The following PSMA3 variants were observed in gnomAD, a reference collection of about 807,000 sequenced individuals.
PSMA3 encodes proteasome subunit alpha type-3.
A neutral mutation model predicts 40.0 loss-of-function variants in PSMA3; 8 were observed. That is an observed-to-expected ratio of 0.20 (90% CI 0.12 to 0.36). PSMA3 has a LOEUF of 0.36. Among genes scored for constraint, PSMA3 ranks in the 10% least tolerant of loss-of-function variants. The pLI, the probability that PSMA3 is intolerant of heterozygous loss-of-function variation, is 1.00. For synonymous variants in PSMA3, 110 were observed against 100.0 expected, an observed-to-expected ratio of 1.10 and a Z score of -0.59; for missense variants, 219 against 310.6, an observed-to-expected ratio of 0.70 and a Z score of 2.22.
intron 3 of PSMA3, among the ~76,000 whole-genome samples, chr14:58,254,475 C>G (rs1890100202): frequency 6.6e-6 from 1 of 150,434 alleles, no homozygotes. Flanking sequence ...ATAGCTGTGA[C>G]TACAAGTGTG....
At chr14:58,245,765 GAAT>G (rs1594821865) in intron 1 of PSMA3, among the ~76,000 whole-genome samples, 1 of 152,138 alleles carries the variant, frequency 6.6e-6, no homozygotes, top group East Asian at 1.9e-4. Context: ...TAGAGTTATT[GAAT>G]AATGAGTTTC....
intron 6 of PSMA3, 26 bp from the exon 7 acceptor site, chr14:58,263,679 G>T: frequency 1.3e-6 from 2 of 1,572,460 alleles, no homozygotes; most frequent in South Asian, 2.2e-5. Context: ...CTAATTCAGT[G>T]ATTATATATA....
At position 58,259,296 on chromosome 14, in the gene PSMA3, T is replaced by G. The variant is rs1594828541; in HGVS notation, c.404+1298T>G. Among the ~76,000 whole-genome samples, 3 of 152,128 alleles carry G rather than the reference T, an allele frequency of 2.0e-5. 1 individual carries two copies. The highest frequency in any genetic ancestry group is 7.2e-5 in the African/African-American group (3 of 41,422). On this transcript the variant is annotated intron_variant, in intron 5 of 10. Transcript: ENST00000216455. ...AGTAAGAATAGTAGAGATAACTTTT[T>G]TTCATAACTTTTTTTTTGTTTGTTT...
At chr14:58,250,370 A>G (rs1889984128) in intron 2 of PSMA3, among the ~76,000 whole-genome samples, 1 of 152,132 alleles carries the variant, frequency 6.6e-6, no homozygotes, top group South Asian at 2.1e-4. Flanking sequence ...AAGTTTGCAA[A>G]CCTTTTGGGG....
chr14:58,271,327 C>T (rs904650037), intron 10 of PSMA3, among the ~76,000 whole-genome samples: 72 of 102,298 alleles, frequency 7.0e-4, no homozygotes, highest in Admixed American at 1.0e-3. Context: ...AATATTTGTT[C>T]TTTTTTTTTT....
chr14:58,260,187 A>G (rs1890241249), intron 5 of PSMA3, among the ~76,000 whole-genome samples: 1 of 152,218 alleles, frequency 6.6e-6, no homozygotes, highest in African/African-American at 2.4e-5. Context: ...AGGTTGCTGA[A>G]GTCCCTGATA....
At chr14:58,251,840 C>T (rs1890017930) in intron 2 of PSMA3, among the ~76,000 whole-genome samples, 1 of 152,148 alleles carries the variant, frequency 6.6e-6, no homozygotes, top group Non-Finnish European at 1.5e-5. Flanking sequence ...AAGCCAGACA[C>T]TGAGCCATAT....
At chr14:58,261,515 GGAAA>G (rs1465614057) in intron 6 of PSMA3, among the ~76,000 whole-genome samples, 1 of 152,080 alleles carries the variant, frequency 6.6e-6, no homozygotes, top group Non-Finnish European at 1.5e-5. Flanking sequence ...ACGAGGCAGA[GGAAA>G]GATTTTTTTT....
At chr14:58,271,051 T>G in intron 10 of PSMA3, 53 bp downstream of exon 10, 15 of 1,365,206 alleles carry the variant, frequency 1.1e-5, no homozygotes, top group African/African-American at 4.4e-5. Context: ...GGGAATCACT[T>G]AGCCCAGGAG....
At chr14:58,245,796 ACTT>A (rs776417365) in intron 1 of PSMA3, among the ~76,000 whole-genome samples, 6 of 152,332 alleles carry the variant, frequency 3.9e-5, no homozygotes, top group Non-Finnish European at 5.9e-5. Context: ...CTCAATTTCT[ACTT>A]CTTAACAAGA....
intron 2 of PSMA3, among the ~76,000 whole-genome samples, chr14:58,248,730 G>A (rs936624327): frequency 4.6e-5 from 7 of 151,648 alleles, no homozygotes; most frequent in Admixed American, 2.6e-4. Context: ...TGAGGCGGGC[G>A]GATCACCTGA....
chr14:58,252,195 G>A lies in PSMA3; in HGVS notation c.181G>A (p.Glu61Lys). The A allele has an allele frequency of 6.2e-7, 1 of 1,613,236 alleles. No homozygotes were observed. The highest frequency in any genetic ancestry group is 8.5e-7 in the Non-Finnish European group (1 of 1,179,782). The change falls in exon 3 of 11, where the codon GAA becomes AAA. Residue 61 changes from glutamate (E) to lysine (K), a missense_variant. Transcript: ENST00000216455. ...ATTAGTCCTTTCTAAACTTTATGAA[G>A]AAGGTTCCAACAAAAGACTTTTTAA... ...EKLVLSKLYEEGSNKRLFNVD... is the reference protein window; with the variant it reads ...EKLVLSKLYEKGSNKRLFNVD...
Position 58,270,961 on chromosome 14 carries a change from C to G in PSMA3, c.686C>G (p.Pro229Arg), listed in dbSNP as rs1356753452. 6.2e-7 allele frequency: 1 copy of G among 1,607,508 alleles called. No homozygotes were observed. The highest frequency in any genetic ancestry group is 1.1e-5 in the South Asian group (1 of 90,264). Residue 229 changes from proline (P) to arginine (R), a missense_variant, in exon 10 of 11, where the codon CCA (proline) becomes CGA (arginine). Physicochemically the swap from Pro to Arg is moderately radical, Grantham distance 103 (BLOSUM62 -2). Transcript: ENST00000216455. ...ELTNGRHEIV[P>R]KDIREEAEKY... is the part of the protein sequence containing the mutation. ...ACTAATGGAAGACATGAAATTGTTC[C>G]AAAAGATATAAGAGAAGAAGCAGAG... is the stretch of plus-strand genomic sequence containing the variant.
chr14:58,247,865 CCTTTT>C (rs1566637110), intron 2 of PSMA3, 33 bp downstream of exon 2: 1 of 1,428,038 alleles, frequency 7.0e-7, no homozygotes, highest in Non-Finnish European at 9.7e-7. Flanking sequence ...TTACATGTCT[CCTTTT>C]ATTTTATATA....
intron 2 of PSMA3, among the ~76,000 whole-genome samples, chr14:58,248,087 T>C (rs1889918094): frequency 6.6e-6 from 1 of 152,230 alleles, no homozygotes; most frequent in Non-Finnish European, 1.5e-5. Context: ...CTTTTTGTTT[T>C]CCATTTTCAA....
chr14:58,265,645 T>G (rs1890416979), intron 7 of PSMA3: 1 of 152,178 alleles, frequency 6.6e-6, no homozygotes, highest in Non-Finnish European at 1.5e-5. Context: ...GTACCATTGT[T>G]CTCTTCTGAT....
In PSMA3 at chr14:58,244,950, G is replaced by T. The variant is rs777554547; in HGVS notation, c.21+9G>T. On this transcript the variant is annotated intron_variant, in intron 1 of 10. Coordinates refer to ENST00000216455, the MANE Select transcript of PSMA3 (RefSeq NM_002788.4). ...GCTCAATCGGCACTGGGGTGAGTTC[G>T]CTGTCTGTCGGTGTAATAGTTTAAC... 1 of 1,614,166 alleles carries T rather than the reference G, an allele frequency of 6.2e-7. No individual in the cohort carries two copies. Among genetic ancestry groups the T allele is most frequent in the African/African-American group, 1.3e-5 (1 of 75,050 alleles).
chr14:58,260,789 TTTAA>T (rs757463751), intron 5 of PSMA3, among the ~76,000 whole-genome samples, 155 bp from the exon 6 acceptor site: 51 of 152,354 alleles, frequency 3.3e-4, no homozygotes, highest in Non-Finnish European at 4.9e-4. Flanking sequence ...ATGTAATAGT[TTTAA>T]TTAATTGAAA....
At chr14:58,254,340 A>ATATATG in intron 3 of PSMA3, among the ~76,000 whole-genome samples, 1 of 34,780 alleles carries the variant, frequency 2.9e-5, no homozygotes, top group African/African-American at 9.7e-5. Flanking sequence ...ATGCATATAT[A>ATATATG]TATGTATGTA....
Sources: gnomAD v4.1 joint callset for allele counts (sites outside exome capture counted in the v4.1 genomes callset) on GRCh38, gnomAD v4.1.1 for gene constraint, MANE v1.5 for transcripts, NCBI Gene and HGNC (gene_info 2026-07-23, HGNC 2026-07-21) for gene names.